MATCAP2: variants seen among roughly 807,000 people sequenced by gnomAD.
MATCAP2 encodes the protein putative tyrosine carboxypeptidase MATCAP2.
At chr7:36,367,108 T>C in the MATCAP2 span, 1 of 1,237,026 alleles carries the variant, frequency 8.1e-7, no homozygotes, top group Non-Finnish European at 1.0e-6. Context: ...GACGAAGACG[T>C]ACCGACACTG....
chr7:36,329,359 G>A, the MATCAP2 span, among the ~76,000 whole-genome samples: 10 of 152,168 alleles, frequency 6.6e-5, no homozygotes, highest in Admixed American at 3.3e-4. Flanking sequence ...GTGCCCTTAT[G>A]ATTTAACAAA....
At chr7:36,349,903 C>T in the MATCAP2 span, among the ~76,000 whole-genome samples, 1 of 152,242 alleles carries the variant, frequency 6.6e-6, no homozygotes, top group Admixed American at 6.5e-5. Flanking sequence ...ATCTTTCTTG[C>T]TATTTAGGTT....
the MATCAP2 span, among the ~76,000 whole-genome samples, chr7:36,371,236 C>T: frequency 6.6e-6 from 1 of 152,112 alleles, no homozygotes; most frequent in Non-Finnish European, 1.5e-5. Flanking sequence ...CTCAGCCTCC[C>T]AAGTAGCTGG....
the MATCAP2 span, among the ~76,000 whole-genome samples, chr7:36,386,413 AAT>A: frequency 6.6e-6 from 1 of 151,330 alleles, no homozygotes; most frequent in African/African-American, 2.4e-5. Context: ...CCTAAAGGAA[AAT>A]ATATATGGTA....
At chr7:36,349,263 C>T in the MATCAP2 span, among the ~76,000 whole-genome samples, 4 of 152,286 alleles carry the variant, frequency 2.6e-5, no homozygotes, top group African/African-American at 9.6e-5. Flanking sequence ...AGCAAAAGTA[C>T]TTTTGCCAAC....
the MATCAP2 span, among the ~76,000 whole-genome samples, chr7:36,364,222 G>C: frequency 6.6e-6 from 1 of 151,914 alleles, no homozygotes; most frequent in African/African-American, 2.4e-5. Context: ...CAAGTAGCTG[G>C]GACTACAGGC....
chr7:36,349,568 C>G, the MATCAP2 span, among the ~76,000 whole-genome samples: 10 of 152,236 alleles, frequency 6.6e-5, no homozygotes, highest in Non-Finnish European at 1.2e-4. Context: ...GTATTCTCGG[C>G]TGAATTTCTG....
the MATCAP2 span, chr7:36,325,066 T>C: frequency 6.6e-6 from 1 of 152,248 alleles, no homozygotes; most frequent in East Asian, 1.9e-4. Flanking sequence ...ACAATCACTT[T>C]TGATAAGTTT....
chr7:36,390,039 A>G, the MATCAP2 span: 2 of 1,613,900 alleles, frequency 1.2e-6, no homozygotes, highest in Non-Finnish European at 1.7e-6. Flanking sequence ...GGATCCGTTT[A>G]CGGAGGTGAG....
the MATCAP2 span, chr7:36,355,359 T>C: frequency 6.6e-6 from 1 of 152,192 alleles, no homozygotes; most frequent in African/African-American, 2.4e-5. Flanking sequence ...TAAGAGTGGA[T>C]TATGTAATCA....
At chr7:36,359,113 C>G in the MATCAP2 span, among the ~76,000 whole-genome samples, 5 of 152,108 alleles carry the variant, frequency 3.3e-5, no homozygotes, top group Non-Finnish European at 5.9e-5. Flanking sequence ...AGTTCTGGGA[C>G]CATTCAAATA....
At chr7:36,335,549 TAAG>T in the MATCAP2 span, among the ~76,000 whole-genome samples, 1 of 152,228 alleles carries the variant, frequency 6.6e-6, no homozygotes, top group African/African-American at 2.4e-5. Flanking sequence ...GACTGACCAC[TAAG>T]AAGACTAATA....
At chr7:36,333,442 G>A in the MATCAP2 span, among the ~76,000 whole-genome samples, 1 of 152,132 alleles carries the variant, frequency 6.6e-6, no homozygotes. Flanking sequence ...AGACAATGGT[G>A]ATGGTTGTAC....
At chr7:36,366,584 A>T in the MATCAP2 span, 2 of 1,167,612 alleles carry the variant, frequency 1.7e-6, no homozygotes, top group South Asian at 1.5e-5. Flanking sequence ...TATGAAGCTT[A>T]ATCACACACC....
At chr7:36,328,239 T>TGG in the MATCAP2 span, among the ~76,000 whole-genome samples, 1,303 of 24,918 alleles carry the variant, frequency 0.052, 129 homozygotes, top group Non-Finnish European at 0.062. Flanking sequence ...TTTGTTTTTG[T>TGG]AGGGGGGGGG....
At chr7:36,386,422 G>A in the MATCAP2 span, among the ~76,000 whole-genome samples, 1 of 146,208 alleles carries the variant, frequency 6.8e-6, no homozygotes, top group Admixed American at 6.8e-5. Flanking sequence ...AAATATATAT[G>A]GTATATGTGT....
the MATCAP2 span, among the ~76,000 whole-genome samples, chr7:36,332,512 TC>T: frequency 6.6e-6 from 1 of 152,218 alleles, no homozygotes; most frequent in African/African-American, 2.4e-5. Context: ...TGCTCCTGGC[TC>T]TAAGGCACTA....
At chr7:36,357,059 C>A in the MATCAP2 span, 1 of 1,614,174 alleles carries the variant, frequency 6.2e-7, no homozygotes, top group East Asian at 2.2e-5. Flanking sequence ...AGTCAATATA[C>A]AAAATTTCTT....
chr7:36,342,989 T>C, the MATCAP2 span, among the ~76,000 whole-genome samples: 1,414 of 152,136 alleles, frequency 9.3e-3, 21 homozygotes, highest in African/African-American at 0.032. Context: ...TCCAAGGAAA[T>C]AGGAAGCATT....
Sources: allele counts gnomAD v4.1 joint callset (sites outside exome capture counted in the v4.1 genomes callset), GRCh38; gene constraint gnomAD v4.1.1; transcripts MANE v1.5; gene names NCBI Gene and HGNC (gene_info 2026-07-23, HGNC 2026-07-21).